The following WDR27 variants were observed in gnomAD, a reference collection of about 807,000 sequenced individuals.
WDR27 encodes the protein WD repeat-containing protein 27.
Under a neutral mutation model 114.4 loss-of-function variants are expected in WDR27, and 100 were observed. The ratio of observed to expected loss-of-function variants is 0.87; its 90% CI spans 0.74 to 1.03. The LOEUF (loss-of-function observed/expected upper bound fraction) is 1.03, where lower values mean the gene tolerates loss of function less well. Ranked by LOEUF, WDR27 falls within the 50% of genes least tolerant of loss-of-function variation. WDR27 has a pLI of 0.00. For synonymous variants in WDR27, 449 were observed against 423.1 expected, an observed-to-expected ratio of 1.06 and a Z score of -0.75; for missense variants, 1,129 against 1,092.9, an observed-to-expected ratio of 1.03 and a Z score of -0.47.
chr6:169,553,024 G>A (rs1223464742), intron 25 of WDR27, among the ~76,000 whole-genome samples: 3 of 106,684 alleles, frequency 2.8e-5, no homozygotes, highest in African/African-American at 1.1e-4. Context: ...GTGTGTGTGT[G>A]TGTATGCAGG....
At chr6:169,583,488 CATATAT>C (rs1317226197) in intron 23 of WDR27, among the ~76,000 whole-genome samples, 11 of 13,986 alleles carry the variant, frequency 7.9e-4, no homozygotes, top group Middle Eastern at 0.071. Context: ...TGTATATATA[CATATAT>C]ATATATATAT....
chr6:169,477,525 G>A (rs576870860), intron 25 of WDR27, among the ~76,000 whole-genome samples: 58 of 152,188 alleles, frequency 3.8e-4, no homozygotes, highest in Non-Finnish European at 6.3e-4. Context: ...TGAAACCTCC[G>A]CCTCCCAGGT....
intron 1 of WDR27, among the ~76,000 whole-genome samples, chr6:169,700,683 G>C (rs1787701687): frequency 6.6e-6 from 1 of 152,188 alleles, no homozygotes; most frequent in Non-Finnish European, 1.5e-5. Flanking sequence ...GTGTGAGCAA[G>C]AAACATGCAA....
At chr6:169,642,663 G>A (rs757177961) in intron 17 of WDR27, among the ~76,000 whole-genome samples, 92 of 152,228 alleles carry the variant, frequency 6.0e-4, no homozygotes, top group Non-Finnish European at 9.7e-4. Flanking sequence ...GCCTGCCCTT[G>A]GGGGCCTGCT....
Position 169,660,745 on chromosome 6 carries a change from T to C in WDR27, c.1047A>G (p.Arg349=). The change falls in exon 10 of 26, where the codon CGA becomes CGG. Residue 349 remains arginine (R), a synonymous_variant. Coordinates refer to ENST00000448612, the MANE Select transcript of WDR27 (RefSeq NM_182552.5). The part of the protein sequence containing the change: ...ACGCLSSENT[R]CVWIGSSVGL... Reference sequence around the variant, plus strand: ...CCACTGAGCTTCCGATCCACACACATCGGGTGTTCTCAGAAGAAAGACTGA... The same window carrying C: ...CCACTGAGCTTCCGATCCACACACACCGGGTGTTCTCAGAAGAAAGACTGA... 1 of 1,613,728 alleles carries C rather than the reference T, an allele frequency of 6.2e-7. No individual in the cohort carries two copies. The highest frequency in any genetic ancestry group is 1.3e-5 in the African/African-American group (1 of 75,050).
intron 25 of WDR27, among the ~76,000 whole-genome samples, chr6:169,514,777 T>TATATATATATATATATATA (rs58285976): frequency 6.7e-6 from 1 of 148,398 alleles, no homozygotes; most frequent in African/African-American, 2.5e-5. Flanking sequence ...TATATATATA[T>TATATATATATATATATATA]GATCATTTCA....
the WDR27 span, among the ~76,000 whole-genome samples, chr6:169,427,549 G>C: frequency 6.6e-6 from 1 of 152,174 alleles, no homozygotes; most frequent in Non-Finnish European, 1.5e-5. Context: ...AAGACAGTGT[G>C]CAGAGGACTT....
At chr6:169,656,115 G>A (rs183451330) in intron 13 of WDR27, among the ~76,000 whole-genome samples, 23 of 152,194 alleles carry the variant, frequency 1.5e-4, no homozygotes, top group Non-Finnish European at 7.4e-5. Context: ...GTGTGGCTGA[G>A]TTTGGGGCTT....
intron 25 of WDR27, among the ~76,000 whole-genome samples, chr6:169,560,246 C>T (rs1799497632): frequency 6.6e-6 from 1 of 152,148 alleles, no homozygotes; most frequent in Non-Finnish European, 1.5e-5. Context: ...TTTTGCTTCT[C>T]TCTCATTCTC....
chr6:169,665,503 C>CGGTGA lies in WDR27; in HGVS notation c.761_765dup (p.Gly256SerfsTer14), dbSNP rs1562872277. ...TGTCTCACCTGGCCGTCAGCACACC[C>CGGTGA]GGTGACCAGCTGCCTGCTTTCTGCA... On this transcript the variant is annotated frameshift_variant, in exon 7 of 26. Transcript: ENST00000448612. LOFTEE classifies it high-confidence loss of function. The CGGTGA allele has an allele frequency of 6.2e-7, 1 of 1,613,696 alleles. No homozygotes were observed. The highest frequency in any genetic ancestry group is 1.7e-5 in the Admixed American group (1 of 59,970).
At chr6:169,647,945 C>T (rs993040817) in intron 15 of WDR27, 75 bp from the exon 16 acceptor site, 19 of 1,050,302 alleles carry the variant, frequency 1.8e-5, no homozygotes, top group African/African-American at 8.3e-5. Context: ...AAGCAAGAAA[C>T]GAAGTGGGCT....
chr6:169,568,163 GGAACCACA>G (rs1800807468), intron 25 of WDR27, among the ~76,000 whole-genome samples: 1 of 33,104 alleles, frequency 3.0e-5, no homozygotes, highest in African/African-American at 4.9e-5. Context: ...CAATCACTCA[GGAACCACA>G]CTCAGGAACC....
At chr6:169,662,184 A>C (rs1826330764) in intron 9 of WDR27, 120 bp downstream of exon 9, 2 of 1,129,826 alleles carry the variant, frequency 1.8e-6, no homozygotes, top group Non-Finnish European at 2.5e-6. Context: ...AGTTACTAAT[A>C]ATCAGAGACC....
chr6:169,587,380 G>A (rs1015224705), intron 23 of WDR27, among the ~76,000 whole-genome samples: 9 of 152,020 alleles, frequency 5.9e-5, no homozygotes, highest in Middle Eastern at 3.4e-3. Flanking sequence ...CACCACACGC[G>A]GCTAGTTTTT....
intron 16 of WDR27, among the ~76,000 whole-genome samples, chr6:169,645,023 T>TAAAAAAAAAAATAAA (rs1820200961): frequency 1.3e-4 from 6 of 46,980 alleles, no homozygotes; most frequent in Admixed American, 2.9e-4. Context: ...AAAAAAAAAA[T>TAAAAAAAAAAATAAA]AAAAAAAAAA....
chr6:169,701,246 GAA>G (rs1787926904), intron 1 of WDR27, among the ~76,000 whole-genome samples: 1 of 152,114 alleles, frequency 6.6e-6, no homozygotes, highest in African/African-American at 2.4e-5. Context: ...TTTAAAAAGA[GAA>G]AATTACTCCC....
chr6:169,577,409 G>A, intron 24 of WDR27, among the ~76,000 whole-genome samples: 1 of 152,208 alleles, frequency 6.6e-6, no homozygotes, highest in East Asian at 1.9e-4. Flanking sequence ...CAGGGAAAGG[G>A]GACTTGGCGG....
rs192688313 is a variant in WDR27, at chr6:169,596,944, C to T, written c.2424+5275G>A. Among the ~76,000 whole-genome samples the T allele has an allele frequency of 7.2e-4, 109 of 152,210 alleles. 1 individual carries two copies. The highest frequency in any genetic ancestry group is 2.5e-4 in the Non-Finnish European group (17 of 67,976). On this transcript the variant is annotated intron_variant, in intron 23 of 25. Coordinates refer to ENST00000448612, the MANE Select transcript of WDR27 (RefSeq NM_182552.5). ...CTTCTTTTTCTTCTTAGAGTTATAT[C>T]ATTTTTGATTTATATATTTTGAAAC... is the stretch of plus-strand genomic sequence containing the variant.
intron 25 of WDR27, among the ~76,000 whole-genome samples, chr6:169,557,991 T>C (rs1799157564): frequency 6.6e-6 from 1 of 152,122 alleles, no homozygotes; most frequent in African/African-American, 2.4e-5. Flanking sequence ...CTTAACTTTA[T>C]AGTGTTTCTA....
Sources: gnomAD v4.1 joint callset for allele counts (sites outside exome capture counted in the v4.1 genomes callset) on GRCh38, gnomAD v4.1.1 for gene constraint, MANE v1.5 for transcripts, NCBI Gene and HGNC (gene_info 2026-07-23, HGNC 2026-07-21) for gene names.